The following ASPRV1 variants were observed in gnomAD, a reference collection of about 807,000 sequenced individuals.
ASPRV1 encodes the protein aspartic peptidase retroviral like 1, also known as retroviral-like aspartic protease 1.
In ASPRV1, 7 loss-of-function variants were observed where a neutral mutation model predicts 11.0. The observed-to-expected ratio is 0.64, with a 90% confidence interval of 0.36 to 1.20. The LOEUF (loss-of-function observed/expected upper bound fraction) is 1.20. ASPRV1 is among the 50% of genes most tolerant of loss of function. ASPRV1 has a pLI of 0.02. For missense variants in ASPRV1, 299 were observed against 320.0 expected (o/e 0.93, Z 0.50); for synonymous variants, 136 against 138.4 (o/e 0.98, Z 0.12).
the ASPRV1 span, among the ~76,000 whole-genome samples, chr2:70,081,863 G>A: frequency 6.6e-6 from 1 of 151,950 alleles, no homozygotes; most frequent in African/African-American, 2.4e-5. Context: ...GGGATTACAG[G>A]TGTGAACCAC....
chr2:70,038,970 T>C, the ASPRV1 span, among the ~76,000 whole-genome samples: 2 of 151,766 alleles, frequency 1.3e-5, no homozygotes, highest in Non-Finnish European at 2.9e-5. Flanking sequence ...TCCCAGCTAC[T>C]TGGGAGGCTG....
chr2:70,078,452 A>G, the ASPRV1 span, among the ~76,000 whole-genome samples: 1 of 152,256 alleles, frequency 6.6e-6, no homozygotes, highest in Non-Finnish European at 1.5e-5. Context: ...AGAAAGCAGA[A>G]GGCAGAGAGA....
the ASPRV1 span, among the ~76,000 whole-genome samples, chr2:70,000,736 C>T: frequency 7.9e-6 from 1 of 127,126 alleles, no homozygotes; most frequent in Non-Finnish European, 1.6e-5. Context: ...CTGCAGTGAG[C>T]TGTGATCACG....
At chr2:70,013,881 A>AAAAC in the ASPRV1 span, among the ~76,000 whole-genome samples, 4,079 of 152,254 alleles carry the variant, frequency 0.027, 151 homozygotes, top group African/African-American at 0.084. Context: ...ACTCCGTCTC[A>AAAAC]AAACAAACAA....
At chr2:70,028,313 T>C in the ASPRV1 span, 1 of 152,144 alleles carries the variant, frequency 6.6e-6, no homozygotes, top group African/African-American at 2.4e-5. Flanking sequence ...TTACCCACAA[T>C]TGATTCATTT....
At chr2:69,943,899 C>G in the ASPRV1 span, among the ~76,000 whole-genome samples, 5 of 152,234 alleles carry the variant, frequency 3.3e-5, no homozygotes, top group Non-Finnish European at 7.3e-5. Context: ...TGACCAATGA[C>G]TTCTTGTTCT....
At chr2:69,979,925 A>C in the ASPRV1 span, among the ~76,000 whole-genome samples, 4 of 152,204 alleles carry the variant, frequency 2.6e-5, no homozygotes, top group African/African-American at 9.7e-5. Flanking sequence ...CTTCACGATC[A>C]TCTTCTAGTA....
At chr2:70,082,278 A>C in the ASPRV1 span, among the ~76,000 whole-genome samples, 2 of 152,134 alleles carry the variant, frequency 1.3e-5, no homozygotes, top group South Asian at 4.2e-4. Context: ...GCAACTTTAA[A>C]TAGCTATAGG....
chr2:69,961,640 C>G (rs944802233), upstream of ASPRV1: 1 of 1,590,778 alleles, frequency 6.3e-7, no homozygotes, highest in Non-Finnish European at 8.6e-7. Flanking sequence ...GTGGCCTGTT[C>G]ACTCTGCAGA....
At chr2:70,026,555 C>A in the ASPRV1 span, among the ~76,000 whole-genome samples, 1 of 151,646 alleles carries the variant, frequency 6.6e-6, no homozygotes, top group Non-Finnish European at 1.5e-5. Flanking sequence ...TTCTATACAA[C>A]AGCAAAGAAT....
chr2:70,007,584 A>AATAT, the ASPRV1 span, among the ~76,000 whole-genome samples: 12 of 151,660 alleles, frequency 7.9e-5, no homozygotes, highest in Non-Finnish European at 5.9e-5. Context: ...AATAAATATG[A>AATAT]ATATATATAT....
the ASPRV1 span, chr2:70,050,215 G>A: frequency 1.3e-5 from 2 of 152,196 alleles, no homozygotes; most frequent in East Asian, 3.9e-4. Context: ...AGGAAGCAGA[G>A]GTTGTGATGA....
At chr2:70,019,386 T>C in the ASPRV1 span, among the ~76,000 whole-genome samples, 2 of 152,206 alleles carry the variant, frequency 1.3e-5, no homozygotes, top group Admixed American at 1.3e-4. Context: ...AGAACTACCA[T>C]ATGATCCAGC....
the ASPRV1 span, chr2:70,055,968 G>C: frequency 7.9e-5 from 12 of 152,068 alleles, no homozygotes; most frequent in African/African-American, 2.9e-4. Context: ...TGAATGAATG[G>C]CTAAACTATG....
At chr2:70,042,230 G>A in the ASPRV1 span, among the ~76,000 whole-genome samples, 1 of 152,174 alleles carries the variant, frequency 6.6e-6, no homozygotes, top group Non-Finnish European at 1.5e-5. Flanking sequence ...ATGAAATCCA[G>A]GGCAAGAGCT....
chr2:70,042,827 G>A, the ASPRV1 span, among the ~76,000 whole-genome samples: 1 of 152,166 alleles, frequency 6.6e-6, no homozygotes, highest in Non-Finnish European at 1.5e-5. Context: ...GCCATTCCTA[G>A]GCTGCCCACT....
chr2:69,963,490 C>A, upstream of ASPRV1: 1 of 451,784 alleles, frequency 2.2e-6, no homozygotes, highest in Non-Finnish European at 4.5e-6. Flanking sequence ...TACCTCTGCA[C>A]ATCTGGTCCC....
chr2:69,982,287 C>T, the ASPRV1 span, among the ~76,000 whole-genome samples: 1 of 143,696 alleles, frequency 7.0e-6, no homozygotes, highest in Admixed American at 7.4e-5. Flanking sequence ...GACCTCATCC[C>T]TACTAAAAAA....
At chr2:70,002,862 G>A in the ASPRV1 span, among the ~76,000 whole-genome samples, 2 of 152,090 alleles carry the variant, frequency 1.3e-5, no homozygotes, top group Admixed American at 6.6e-5. Context: ...GCTCCCCCTC[G>A]TCCTTCTGAG....
Sources: allele counts gnomAD v4.1 joint callset (sites outside exome capture counted in the v4.1 genomes callset), GRCh38; gene constraint gnomAD v4.1.1; transcripts MANE v1.5; gene names NCBI Gene and HGNC (gene_info 2026-07-23, HGNC 2026-07-21).